GAK: variants seen among roughly 807,000 people sequenced by gnomAD.
GAK encodes cyclin G associated kinase.
A neutral mutation model predicts 143.9 loss-of-function variants in GAK; 79 were observed. The observed-to-expected ratio is 0.55, with a 90% confidence interval of 0.46 to 0.66. The LOEUF (loss-of-function observed/expected upper bound fraction) is 0.66, where lower values mean the gene tolerates loss of function less well. Among genes scored for constraint, GAK ranks in the 30% least tolerant of loss-of-function variants. The pLI, the probability that GAK is intolerant of heterozygous loss-of-function variation, is 0.00. For synonymous variants in GAK, 881 were observed against 765.5 expected (o/e 1.15, Z -2.49); for missense variants, 1,693 against 1,779.7 (o/e 0.95, Z 0.88).
At chr4:868,714 T>C (rs2306244) in intron 19 of GAK, 29 bp from the exon 20 acceptor site, 263,487 of 1,541,834 alleles carry the variant, frequency 0.17, 24,142 homozygotes, top group Middle Eastern at 0.3. Flanking sequence ...GTCAGGGCAC[T>C]GGCACTGGCC....
At chr4:875,149 C>T (rs1271264242) in intron 18 of GAK, among the ~76,000 whole-genome samples, 1 of 152,224 alleles carries the variant, frequency 6.6e-6, no homozygotes, top group East Asian at 1.9e-4. Context: ...AGGTCCTTCA[C>T]CGACATTTTC....
intron 1 of GAK, among the ~76,000 whole-genome samples, chr4:923,538 G>T (rs1402021949): frequency 6.6e-6 from 1 of 152,188 alleles, no homozygotes; most frequent in African/African-American, 2.4e-5. Flanking sequence ...AGCCAGGCGT[G>T]GTGGTGCGTG....
chr4:910,969 G>A (rs1382439421), intron 4 of GAK, among the ~76,000 whole-genome samples: 1 of 152,118 alleles, frequency 6.6e-6, no homozygotes, highest in Non-Finnish European at 1.5e-5. Context: ...GTCAGGCCAG[G>A]TCTCCGGCCA....
intron 17 of GAK, 92 bp downstream of exon 17, chr4:876,998 C>T (rs547985965): frequency 4.6e-6 from 4 of 866,818 alleles, no homozygotes; most frequent in Non-Finnish European, 7.5e-6. Context: ...GCACCCTGGA[C>T]CCTCGGTGAG....
chr4:916,677 T>A (rs890952299), intron 1 of GAK, among the ~76,000 whole-genome samples: 5 of 152,164 alleles, frequency 3.3e-5, no homozygotes, highest in African/African-American at 1.2e-4. Context: ...TACTTGACAT[T>A]TAAAAACCGC....
chr4:918,573 T>C (rs1449426913), intron 1 of GAK, among the ~76,000 whole-genome samples: 2 of 152,268 alleles, frequency 1.3e-5, no homozygotes, highest in African/African-American at 4.8e-5. Flanking sequence ...GCAGTACATG[T>C]GTTAACTAGC....
chr4:903,569 GCCA>G (rs1286303727), intron 5 of GAK, among the ~76,000 whole-genome samples: 5 of 136,102 alleles, frequency 3.7e-5, no homozygotes, highest in Admixed American at 7.1e-5. Context: ...GGGGGCCTGG[GCCA>G]ACACCACTGG....
At chr4:877,979 G>A (rs991714869) in intron 15 of GAK, among the ~76,000 whole-genome samples, 170 bp from the exon 16 acceptor site, 11 of 149,394 alleles carry the variant, frequency 7.4e-5, no homozygotes, top group Admixed American at 2.0e-4. Context: ...ATATATATAT[G>A]TGTGTGTGTA....
chr4:889,403 G>A lies in GAK; in HGVS notation c.1082-433C>T, dbSNP rs139637335. On this transcript the variant is annotated intron_variant, in intron 10 of 27. Coordinates refer to ENST00000314167, the MANE Select transcript of GAK (RefSeq NM_005255.4). ...TGGCCCCTGGCCTGGTGGGTCCTGC[G>A]AGTGAGGTCTTCACAGGCGGCTTTG... 1.6e-3 allele frequency among the ~76,000 whole-genome samples: 239 copies of A among 152,192 alleles called. 10 individuals carry two copies. In the East Asian group the frequency reaches 0.03, roughly 19 times the overall value.
chr4:922,646 C>T (rs1343022898), intron 1 of GAK, among the ~76,000 whole-genome samples: 1 of 152,156 alleles, frequency 6.6e-6, no homozygotes, highest in Non-Finnish European at 1.5e-5. Context: ...TACTGCTCCC[C>T]ACTCAGTCTG....
chr4:868,747 C>T (rs1711621790), intron 19 of GAK, 62 bp from the exon 20 acceptor site: 2 of 1,503,714 alleles, frequency 1.3e-6, no homozygotes, highest in Admixed American at 4.1e-5. Context: ...GCAACACTGA[C>T]CCCAGAGCTG....
chr4:856,351 A>C, intron 24 of GAK, among the ~76,000 whole-genome samples: 1 of 128,566 alleles, frequency 7.8e-6, no homozygotes, highest in Non-Finnish European at 1.6e-5. Flanking sequence ...ACACCTGCTC[A>C]CACCTGCTCA....
intron 1 of GAK, among the ~76,000 whole-genome samples, chr4:928,666 G>A (rs1725213562): frequency 6.6e-6 from 1 of 152,216 alleles, no homozygotes; most frequent in Non-Finnish European, 1.5e-5. Context: ...TCTGAAACTT[G>A]CAACCAAGAG....
rs201570829 is a variant in GAK at position 867,340 on chromosome 4, C to T, written c.2488G>A (p.Asp830Asn). The change falls in exon 21 of 28, where the codon GAT becomes AAT. Residue 830 changes from aspartate to asparagine, a missense_variant. Around this residue, in one of 2 missense-constraint regions of GAK, gnomAD observed 822 missense variants for 788.7 expected, o/e 1.04. Coordinates refer to ENST00000314167, the MANE Select transcript of GAK (RefSeq NM_005255.4). Reference protein sequence around the residue: ...MEDRDESEVSDEGGSPISSEG... With the variant: ...MEDRDESEVSNEGGSPISSEG... ...CTGGAGATCGGGGATCCCCCTTCAT[C>T]TGACACCTCACTCTCGTCTCTGTCC... is the stretch of plus-strand genomic sequence containing the variant. The T allele has an allele frequency of 7.1e-5, 114 of 1,608,432 alleles. 1 individual carries two copies. The highest frequency in any genetic ancestry group is 4.4e-4 in the South Asian group (40 of 90,338).
At chr4:898,246 G>C (rs1719184937) in intron 5 of GAK, 88 bp from the exon 6 acceptor site, 8 of 1,506,722 alleles carry the variant, frequency 5.3e-6, no homozygotes, top group East Asian at 4.6e-5. Context: ...GACACAGCCA[G>C]GGCCCTTCGC....
intron 25 of GAK, 141 bp from the exon 26 acceptor site, chr4:851,225 GTA>G: frequency 1.5e-6 from 1 of 654,840 alleles, no homozygotes; most frequent in Non-Finnish European, 2.6e-6. Context: ...AGCCTCCCAA[GTA>G]GCTGGGACCA....
intron 1 of GAK, among the ~76,000 whole-genome samples, chr4:930,581 T>C (rs1323330266): frequency 6.6e-6 from 1 of 151,108 alleles, no homozygotes. Context: ...TGCCTCTGTC[T>C]CTCCACCCCT....
chr4:920,143 C>T (rs1723679377), intron 1 of GAK, among the ~76,000 whole-genome samples: 1 of 152,052 alleles, frequency 6.6e-6, no homozygotes, highest in East Asian at 1.9e-4. Flanking sequence ...CCCGTCTCTA[C>T]TAAAAATACA....
chr4:878,035 T>A (rs1714342066), intron 15 of GAK, among the ~76,000 whole-genome samples: 1 of 152,106 alleles, frequency 6.6e-6, no homozygotes. Context: ...TACGCCCTAG[T>A]TGAAGATATT....
Sources: allele counts gnomAD v4.1 joint callset (sites outside exome capture counted in the v4.1 genomes callset), GRCh38; gene constraint gnomAD v4.1.1; regional missense constraint gnomAD v4.1.1; transcripts MANE v1.5; gene names NCBI Gene and HGNC (gene_info 2026-07-23, HGNC 2026-07-21).